Variants in PSTPIP2 observed in about 807,000 individuals in gnomAD.
PSTPIP2 encodes the protein proline-serine-threonine phosphatase-interacting protein 2.
In PSTPIP2, 33 loss-of-function variants were observed where a neutral mutation model predicts 63.3. The ratio of observed to expected loss-of-function variants is 0.52; its 90% CI spans 0.40 to 0.70. The LOEUF (loss-of-function observed/expected upper bound fraction) is 0.70. Ranked by LOEUF, PSTPIP2 falls within the 30% of genes least tolerant of loss-of-function variation. The pLI is 0.00. For missense variants in PSTPIP2, 312 were observed against 400.7 expected, an observed-to-expected ratio of 0.78 and a Z score of 1.89; for synonymous variants, 125 against 132.7, an observed-to-expected ratio of 0.94 and a Z score of 0.40.
At chr18:46,023,603 T>C (rs1170411270) in intron 3 of PSTPIP2, among the ~76,000 whole-genome samples, 4 of 152,046 alleles carry the variant, frequency 2.6e-5, no homozygotes, top group African/African-American at 9.7e-5. Context: ...CTCCTATAGT[T>C]ATCACAAACA....
chr18:46,000,659 C>T (rs1264638215), intron 6 of PSTPIP2, among the ~76,000 whole-genome samples: 1 of 152,236 alleles, frequency 6.6e-6, no homozygotes, highest in Non-Finnish European at 1.5e-5. Flanking sequence ...TGAGCCACTG[C>T]ACCCAGCCAG....
chr18:46,062,706 G>A (rs150876115), intron 1 of PSTPIP2, among the ~76,000 whole-genome samples: 172 of 151,994 alleles, frequency 1.1e-3, no homozygotes, highest in African/African-American at 3.9e-3. Flanking sequence ...TAGTAGAGAC[G>A]GGGTTTCACC....
At chr18:46,032,754 C>CAAAAAAAAAA (rs762015034) in intron 2 of PSTPIP2, among the ~76,000 whole-genome samples, 2 of 50,192 alleles carry the variant, frequency 4.0e-5, no homozygotes, top group African/African-American at 1.2e-4. Flanking sequence ...AACTCTGTGT[C>CAAAAAAAAAA]AAAAAAAAAA....
At chr18:46,067,737 A>G (rs1408028108) in intron 1 of PSTPIP2, among the ~76,000 whole-genome samples, 1 of 151,912 alleles carries the variant, frequency 6.6e-6, no homozygotes, top group Non-Finnish European at 1.5e-5. Context: ...TTTCTGTATC[A>G]CCTCTTTTTT....
chr18:46,005,019 C>T (rs1293084461), intron 6 of PSTPIP2, among the ~76,000 whole-genome samples: 1 of 152,190 alleles, frequency 6.6e-6, no homozygotes, highest in Non-Finnish European at 1.5e-5. Flanking sequence ...CCATGGAATA[C>T]TATGCAACCA....
intron 2 of PSTPIP2, chr18:46,029,160 G>T: frequency 1.1e-6 from 1 of 944,616 alleles, no homozygotes; most frequent in Admixed American, 1.7e-5. Flanking sequence ...TCACAGCAAG[G>T]TTTTTTATGT....
chr18:46,068,532 T>A lies in PSTPIP2; in HGVS notation c.33+3624A>T, dbSNP rs371873597. On this transcript the variant is annotated intron_variant, in intron 1 of 14. Coordinates refer to ENST00000409746, the MANE Select transcript of PSTPIP2 (RefSeq NM_024430.4). The stretch of plus-strand genomic sequence containing the variant: ...CCGAGATGGTCTCGATCTCCTGACC[T>A]CGTGATCCACCCGTCTCAGCCTCCC... Among the ~76,000 whole-genome samples, 42 of 151,730 alleles carry A rather than the reference T, an allele frequency of 2.8e-4. No homozygotes were observed. The East Asian group carries it at 7.8e-3, about 28-fold the overall frequency.
chr18:46,046,562 G>A lies in PSTPIP2; in HGVS notation c.34-6515C>T, dbSNP rs139873794. On this transcript the variant is annotated intron_variant, in intron 1 of 14. Transcript: ENST00000409746. The stretch of plus-strand genomic sequence containing the variant: ...TTCTATACACCTTCCAAGTGACTTG[G>A]AATGCAGTTTGACAATTGTGGCCAT... Among the ~76,000 whole-genome samples the A allele has an allele frequency of 8.3e-3, 1,258 of 152,306 alleles. 6 individuals are homozygous for A. Among genetic ancestry groups the A allele is most frequent in the Middle Eastern group, 0.02 (6 of 294 alleles).
intron 9 of PSTPIP2, 77 bp downstream of exon 9, chr18:45,997,672 C>T (rs946479000): frequency 2.9e-5 from 7 of 243,016 alleles, no homozygotes; most frequent in African/African-American, 8.6e-5. Context: ...CCCTCCCCCC[C>T]CCGTCCTGAG....
chr18:45,999,655 A>T (rs1296096962), intron 6 of PSTPIP2, 121 bp from the exon 7 acceptor site: 29 of 911,454 alleles, frequency 3.2e-5, no homozygotes, highest in Non-Finnish European at 4.6e-5. Flanking sequence ...TCTGATTGTC[A>T]CTAAGCCATG....
intron 4 of PSTPIP2, among the ~76,000 whole-genome samples, chr18:46,012,140 A>G (rs1039079642): frequency 4.4e-4 from 67 of 152,340 alleles, no homozygotes; most frequent in African/African-American, 1.6e-3. Context: ...AACATTTGGA[A>G]ATACACCCAG....
chr18:46,040,453 G>C (rs1012121158), intron 1 of PSTPIP2, among the ~76,000 whole-genome samples: 1 of 152,190 alleles, frequency 6.6e-6, no homozygotes, highest in Admixed American at 6.5e-5. Flanking sequence ...TCACAGTCAT[G>C]TTGACCTTCG....
intron 4 of PSTPIP2, among the ~76,000 whole-genome samples, chr18:46,013,685 T>C (rs1177317220): frequency 6.6e-6 from 1 of 152,130 alleles, no homozygotes; most frequent in African/African-American, 2.4e-5. Context: ...CTGAGGGCAC[T>C]ATGACTTATG....
At position 46,017,382 on chromosome 18, in the gene PSTPIP2, TTTTAA is replaced by T. The variant is rs374679632; in HGVS notation, c.213-1450_213-1446del. Among the ~76,000 whole-genome samples, 120 of 152,294 alleles carry T rather than the reference TTTTAA, an allele frequency of 7.9e-4. 1 individual carries two copies. The East Asian group carries it at 0.021, about 27-fold the overall frequency. On this transcript the variant is annotated intron_variant, in intron 3 of 14. Transcript: ENST00000409746. ...TATTCTTGTGTACTTGTGAATTTCC[TTTTAA>T]TTTATCATTCTTGGGATTAATTTTG...
chr18:46,066,640 T>A (rs954408318), intron 1 of PSTPIP2, among the ~76,000 whole-genome samples: 1 of 152,228 alleles, frequency 6.6e-6, no homozygotes, highest in Admixed American at 6.5e-5. Flanking sequence ...GCACCCCTTC[T>A]TGAGTATAGG....
At chr18:46,015,428 G>A (rs1355408021) in intron 4 of PSTPIP2, among the ~76,000 whole-genome samples, 1 of 152,172 alleles carries the variant, frequency 6.6e-6, no homozygotes, top group East Asian at 1.9e-4. Context: ...GCTGAGGCAG[G>A]TGGGGGTGTG....
chr18:45,993,863 A>G, intron 9 of PSTPIP2, 160 bp from the exon 10 acceptor site: 1 of 628,302 alleles, frequency 1.6e-6, no homozygotes, highest in African/African-American at 1.8e-5. Context: ...TCATAAACTC[A>G]TATCACAAAG....
Position 46,009,387 on chromosome 18 carries a change from AAAAAC to A in PSTPIP2, c.354+1789_354+1793del, listed in dbSNP as rs1269639645. ...TAAAAAAAAAAAAAAAAAAAAAAAA[AAAAAC>A]CTAGCTAAATACGGAAGTGGTAAAA... is the stretch of plus-strand genomic sequence containing the variant. On this transcript the variant is annotated intron_variant, in intron 5 of 14. Transcript: ENST00000409746. Among the ~76,000 whole-genome samples, 504 of 110,346 alleles carry A rather than the reference AAAAAC, an allele frequency of 4.6e-3. 26 individuals carry two copies. The highest frequency in any genetic ancestry group is 0.013 in the Middle Eastern group (3 of 232). The allele number at this position is 110,346 out of a possible 152,430, so 72.4% of individuals were successfully genotyped here. A position where few individuals can be genotyped will look rare whatever the true frequency, so the allele number is the denominator to read the frequency against.
At chr18:45,990,494 A>G (rs1332591988) in intron 13 of PSTPIP2, among the ~76,000 whole-genome samples, 4 of 151,960 alleles carry the variant, frequency 2.6e-5, no homozygotes, top group Admixed American at 6.6e-5. Flanking sequence ...CAGTGGTGCA[A>G]TCTTGGCTCA....
Sources: gnomAD v4.1 joint callset for allele counts (sites outside exome capture counted in the v4.1 genomes callset) on GRCh38, gnomAD v4.1.1 for gene constraint, MANE v1.5 for transcripts, NCBI Gene and HGNC (gene_info 2026-07-23, HGNC 2026-07-21) for gene names.